Variants in VTCN1 observed in about 807,000 individuals in gnomAD.
VTCN1 encodes the protein V-set domain containing T cell activation inhibitor 1.
Under a neutral mutation model 26.5 loss-of-function variants are expected in VTCN1, and 26 were observed. The ratio of observed to expected loss-of-function variants is 0.98; its 90% CI spans 0.72 to 1.36. The LOEUF is 1.36. VTCN1 is among the 40% of genes most tolerant of loss of function. The probability of loss-of-function intolerance (pLI) is 0.00; values close to 1 mark genes in which losing one functional copy is unlikely to be tolerated. For synonymous variants in VTCN1, 116 were observed against 130.7 expected, an observed-to-expected ratio of 0.89 and a Z score of 0.77; for missense variants, 298 against 337.7, an observed-to-expected ratio of 0.88 and a Z score of 0.92.
At chr1:117,208,096 C>T (rs1649186187) in intron 1 of VTCN1, among the ~76,000 whole-genome samples, 2 of 152,164 alleles carry the variant, frequency 1.3e-5, no homozygotes, top group Non-Finnish European at 2.9e-5. Context: ...AAGGGCTCCT[C>T]ATCACCACAA....
intron 1 of VTCN1, among the ~76,000 whole-genome samples, chr1:117,194,333 C>T (rs1356086498): frequency 1.3e-5 from 2 of 152,094 alleles, no homozygotes; most frequent in Non-Finnish European, 2.9e-5. Flanking sequence ...TCACCTCACA[C>T]CTGTTAGGAT....
intron 1 of VTCN1, among the ~76,000 whole-genome samples, chr1:117,191,893 C>G (rs1357899121): frequency 6.6e-6 from 1 of 152,154 alleles, no homozygotes; most frequent in East Asian, 1.9e-4. Context: ...GAGTTTGAGG[C>G]TGTAGTGAGC....
chr1:117,167,329 T>C lies in VTCN1; in HGVS notation c.97+2778A>G, dbSNP rs972149300. On this transcript the variant is annotated intron_variant, in intron 2 of 5. Transcript: ENST00000369458. The surrounding 1 kb of genome is among the most constrained non-coding windows in gnomAD (Gnocchi z 4.1). ...TAGAACCTTACTGCCCTCCCAGCAG[T>C]GCCCTCATGCCCCTCCTCACTGCTA... Among the ~76,000 whole-genome samples, 4 of 152,084 alleles carry C rather than the reference T, an allele frequency of 2.6e-5. No homozygotes were observed. Among genetic ancestry groups the C allele is most frequent in the Admixed American group, 1.3e-4 (2 of 15,262 alleles).
At chr1:117,163,312 C>T (rs546280479) in intron 2 of VTCN1, among the ~76,000 whole-genome samples, 5 of 152,312 alleles carry the variant, frequency 3.3e-5, no homozygotes, top group Non-Finnish European at 7.3e-5. Flanking sequence ...AGTTTTCTAA[C>T]CCTTTATTTC....
rs568681115 is a variant in VTCN1 at position 117,176,326 on chromosome 1, G to A, written c.33-6155C>T. 5.3e-5 allele frequency among the ~76,000 whole-genome samples: 8 copies of A among 152,308 alleles called. No homozygotes were observed. In the South Asian group the frequency reaches 1.7e-3, roughly 32 times the overall value. ...TCAATTTGAGGGTGTATGACTTACA[G>A]ACTTGAGGTCTTAACTACATGCTAT... On this transcript the variant is annotated intron_variant, in intron 1 of 5. Coordinates refer to ENST00000369458, the MANE Select transcript of VTCN1 (RefSeq NM_024626.4).
At chr1:117,178,891 T>A (rs896472343) in intron 1 of VTCN1, among the ~76,000 whole-genome samples, 5 of 152,144 alleles carry the variant, frequency 3.3e-5, no homozygotes, top group African/African-American at 1.2e-4. Flanking sequence ...CACCCAGCCT[T>A]ATGAATGTTT....
intron 1 of VTCN1, among the ~76,000 whole-genome samples, chr1:117,172,796 AC>A (rs1173809556): frequency 3.1e-5 from 1 of 32,464 alleles, no homozygotes; most frequent in East Asian, 0.013. Flanking sequence ...TTGTAAATGC[AC>A]CAATCAGCAC....
chr1:117,148,578 T>C (rs56067993), intron 4 of VTCN1, among the ~76,000 whole-genome samples: 29,147 of 152,238 alleles, frequency 0.19, 5,268 homozygotes, highest in African/African-American at 0.48. Flanking sequence ...GAACTCTGTC[T>C]TGAGTTCCAC....
At chr1:117,172,378 C>A (rs1233985440) in intron 1 of VTCN1, 1 of 518,718 alleles carries the variant, frequency 1.9e-6, no homozygotes, top group African/African-American at 1.9e-5. Flanking sequence ...CAAGGGAGAC[C>A]ATATTTGGCC....
rs184427676 is a variant in VTCN1, at chr1:117,157,576, C to T, written c.98-655G>A. ...CCCCCATGATTCAAATGATCTCCCA[C>T]TGGGTCCCTCCCACAACACATGGGA... On this transcript the variant is annotated intron_variant, in intron 2 of 5. Transcript: ENST00000369458. Among the ~76,000 whole-genome samples, 309 of 152,288 alleles carry T rather than the reference C, an allele frequency of 2.0e-3. 3 individuals are homozygous for T. Among genetic ancestry groups the T allele is most frequent in the African/African-American group, 6.3e-3 (262 of 41,552 alleles).
intron 1 of VTCN1, among the ~76,000 whole-genome samples, chr1:117,191,153 C>T (rs1333180828): frequency 6.6e-6 from 1 of 152,154 alleles, no homozygotes; most frequent in South Asian, 2.1e-4. Flanking sequence ...AGGGCTTCAA[C>T]AGCAGACTTG....
chr1:117,170,536 C>T (rs895577369), intron 1 of VTCN1, among the ~76,000 whole-genome samples: 1 of 152,130 alleles, frequency 6.6e-6, no homozygotes, highest in South Asian at 2.1e-4. Context: ...CCAGCCTTCC[C>T]TGAGCATCAC....
chr1:117,178,620 G>A (rs533487585), intron 1 of VTCN1, among the ~76,000 whole-genome samples: 6 of 117,206 alleles, frequency 5.1e-5, no homozygotes, highest in African/African-American at 2.0e-4. Context: ...TAGAGACAGG[G>A]CCCGGCTCTA....
At position 117,175,671 on chromosome 1, in the gene VTCN1, T is replaced by C. The variant is rs1306057624; in HGVS notation, c.33-5500A>G. Among the ~76,000 whole-genome samples, 1 of 152,088 alleles carries C rather than the reference T, an allele frequency of 6.6e-6. No homozygotes were observed. The highest frequency in any genetic ancestry group is 1.5e-5 in the Non-Finnish European group (1 of 68,008). On this transcript the variant is annotated intron_variant, in intron 1 of 5. Transcript: ENST00000369458. The surrounding 1 kb of genome is among the most constrained non-coding windows in gnomAD (Gnocchi z 4.2). ...CGTTTTGCAACCACACATGAGCTCA[T>C]TGATGCTATAGAAACATATACTGCA...
chr1:117,207,252 A>C, intron 1 of VTCN1, among the ~76,000 whole-genome samples: 1 of 152,016 alleles, frequency 6.6e-6, no homozygotes, highest in Admixed American at 6.5e-5. Flanking sequence ...CTCCTTCTCT[A>C]CTCAGTAGCT....
intron 3 of VTCN1, 57 bp from the exon 4 acceptor site, chr1:117,153,426 T>C (rs1570939750): frequency 2.6e-6 from 4 of 1,532,026 alleles, no homozygotes; most frequent in South Asian, 1.3e-5. Context: ...TAAGACAATA[T>C]AGCCTTTGAA....
intron 1 of VTCN1, among the ~76,000 whole-genome samples, chr1:117,194,113 C>A (rs1042936185): frequency 6.6e-5 from 10 of 152,126 alleles, no homozygotes; most frequent in African/African-American, 2.4e-4. Context: ...ATTTGCAAAC[C>A]ATATATCTGA....
intron 1 of VTCN1, among the ~76,000 whole-genome samples, chr1:117,179,722 C>T (rs1041650805): frequency 7.2e-5 from 11 of 152,176 alleles, no homozygotes; most frequent in African/African-American, 1.9e-4. Flanking sequence ...TTGCTCTGGC[C>T]TTGGCTTTGT....
At chr1:117,173,315 A>G in intron 1 of VTCN1, 1 of 603,920 alleles carries the variant, frequency 1.7e-6, no homozygotes. Context: ...TTAATTCCTA[A>G]TCCAATATGG....
Sources: allele counts gnomAD v4.1 joint callset (sites outside exome capture counted in the v4.1 genomes callset), GRCh38; gene constraint gnomAD v4.1.1; non-coding constraint Gnocchi (gnomAD v3.1); transcripts MANE v1.5; gene names NCBI Gene and HGNC (gene_info 2026-07-23, HGNC 2026-07-21).